CXCL13: variants seen among roughly 807,000 people sequenced by gnomAD.
CXCL13 encodes the protein C-X-C motif chemokine 13.
A neutral mutation model predicts 12.2 loss-of-function variants in CXCL13; 7 were observed. That is an observed-to-expected ratio of 0.57 (90% confidence interval 0.33 to 1.07). The LOEUF is 1.07. Ranked by LOEUF, CXCL13 falls within the 50% of genes least tolerant of loss-of-function variation. The pLI is 0.04. For missense variants in CXCL13, 113 were observed against 127.4 expected, an observed-to-expected ratio of 0.89 and a Z score of 0.55; for synonymous variants, 47 against 42.4, an observed-to-expected ratio of 1.11 and a Z score of -0.42.
Position 77,547,335 on chromosome 4 carries a change from A to T in CXCL13, c.-43+35547A>T, listed in dbSNP as rs192743127. ...GTCTAATGTTGACAGTGGGGTGTTT[A>T]CATATCACATTATTATTGTGTGGGA... On this transcript the variant is annotated intron_variant, in intron 1 of 4. Coordinates refer to the CXCL13 transcript ENST00000286758. Among the ~76,000 whole-genome samples the T allele has an allele frequency of 3.9e-5, 6 of 152,306 alleles. No individual in the cohort carries two copies. The East Asian group carries it at 1.2e-3, about 29-fold the overall frequency.
At chr4:77,535,713 G>A (rs954142002) in intron 1 of CXCL13, among the ~76,000 whole-genome samples, 1 of 152,140 alleles carries the variant, frequency 6.6e-6, no homozygotes, top group African/African-American at 2.4e-5. Context: ...GGAGAGGCTA[G>A]CCATAGATGT....
At chr4:77,598,993 G>C (rs1320718222) in intron 1 of CXCL13, among the ~76,000 whole-genome samples, 1 of 152,056 alleles carries the variant, frequency 6.6e-6, no homozygotes, top group East Asian at 1.9e-4. Context: ...ATTTTTAGTA[G>C]AGCCAGGGTT....
intron 1 of CXCL13, among the ~76,000 whole-genome samples, chr4:77,519,918 C>T (rs1724533663): frequency 6.6e-6 from 1 of 152,208 alleles, no homozygotes; most frequent in South Asian, 2.1e-4. Flanking sequence ...GATCCAGTTT[C>T]AGCTTTCTAC....
At chr4:77,529,296 A>G (rs1409142793) in intron 1 of CXCL13, among the ~76,000 whole-genome samples, 1 of 151,948 alleles carries the variant, frequency 6.6e-6, no homozygotes, top group African/African-American at 2.4e-5. Flanking sequence ...TTTAAAGTAG[A>G]TTTTTCTAAT....
At chr4:77,573,250 T>A (rs1040972649) in intron 1 of CXCL13, among the ~76,000 whole-genome samples, 6 of 151,548 alleles carry the variant, frequency 4.0e-5, no homozygotes, top group African/African-American at 9.8e-5. Context: ...AAGTTAAATT[T>A]AAAAAAAAGA....
At chr4:77,515,234 G>A (rs1005248396) in intron 1 of CXCL13, among the ~76,000 whole-genome samples, 1 of 152,190 alleles carries the variant, frequency 6.6e-6, no homozygotes, top group Non-Finnish European at 1.5e-5. Context: ...TTGAAGTCAG[G>A]TAGCGTGATG....
chr4:77,610,522 T>A (rs1010515132), intron 2 of CXCL13, 92 bp from the exon 3 acceptor site: 21 of 1,037,974 alleles, frequency 2.0e-5, no homozygotes, highest in Middle Eastern at 2.1e-4. Flanking sequence ...CATCTAGGAA[T>A]AATTATTTTC....
At chr4:77,525,666 T>G (rs1724745119) in intron 1 of CXCL13, among the ~76,000 whole-genome samples, 1 of 152,156 alleles carries the variant, frequency 6.6e-6, no homozygotes, top group African/African-American at 2.4e-5. Context: ...AACATGTACA[T>G]GTTGCCTTTT....
At chr4:77,517,069 G>A (rs1578031470) in intron 1 of CXCL13, among the ~76,000 whole-genome samples, 1 of 152,106 alleles carries the variant, frequency 6.6e-6, no homozygotes, top group East Asian at 1.9e-4. Context: ...TATGTACCCA[G>A]TAGTCATTCA....
intron 1 of CXCL13, among the ~76,000 whole-genome samples, chr4:77,560,919 A>G (rs950533157): frequency 2.0e-5 from 3 of 152,152 alleles, no homozygotes; most frequent in East Asian, 3.9e-4. Context: ...TGATGCTGAA[A>G]TCCTTATCTA....
In CXCL13 at chr4:77,521,407, C is replaced by G. The variant is rs191867218; in HGVS notation, c.-43+9619C>G. Among the ~76,000 whole-genome samples, 665 of 152,196 alleles carry G rather than the reference C, an allele frequency of 4.4e-3. 18 individuals are homozygous for G. Among genetic ancestry groups the G allele is most frequent in the East Asian group, 0.026 (134 of 5,170 alleles). The stretch of plus-strand genomic sequence containing the variant: ...CTCAATTTCAGAGACTGTTATTGGT[C>G]TATTCAGAGATTCAACTTCTTCCTG... On this transcript the variant is annotated intron_variant, in intron 1 of 4. Transcript: ENST00000286758.
chr4:77,604,386 T>C (rs1490918792), upstream of CXCL13, among the ~76,000 whole-genome samples: 1 of 152,100 alleles, frequency 6.6e-6, no homozygotes, highest in Non-Finnish European at 1.5e-5. Flanking sequence ...ATAACCTTCT[T>C]TTACTCCAAT....
intron 1 of CXCL13, among the ~76,000 whole-genome samples, chr4:77,526,850 A>G (rs1578036978): frequency 6.6e-6 from 1 of 152,170 alleles, no homozygotes; most frequent in African/African-American, 2.4e-5. Flanking sequence ...AAAGCCAAGA[A>G]GGGCCAGCCA....
At chr4:77,519,080 A>G (rs994317751) in intron 1 of CXCL13, among the ~76,000 whole-genome samples, 1 of 152,192 alleles carries the variant, frequency 6.6e-6, no homozygotes, top group Non-Finnish European at 1.5e-5. Context: ...TTGCCTGGGT[A>G]TCAGCAGCGG....
intron 1 of CXCL13, among the ~76,000 whole-genome samples, chr4:77,598,677 T>C (rs547183986): frequency 6.6e-6 from 1 of 152,278 alleles, no homozygotes; most frequent in African/African-American, 2.4e-5. Flanking sequence ...GGCAGGTTAT[T>C]GCGGAAAACT....
chr4:77,531,098 TTTA>T (rs59478034), intron 1 of CXCL13, among the ~76,000 whole-genome samples: 24,993 of 144,170 alleles, frequency 0.17, 2,507 homozygotes, highest in African/African-American at 0.28. Context: ...AGTGAGTTTC[TTTA>T]TTATTATTAT....
chr4:77,608,103 A>G (rs1727036253), intron 2 of CXCL13, among the ~76,000 whole-genome samples: 1 of 152,170 alleles, frequency 6.6e-6, no homozygotes, highest in Non-Finnish European at 1.5e-5. Context: ...GAGGCTTAGG[A>G]AGGTTAACTA....
chr4:77,563,063 G>A (rs1256292186), intron 1 of CXCL13, among the ~76,000 whole-genome samples: 1 of 152,120 alleles, frequency 6.6e-6, no homozygotes, highest in Non-Finnish European at 1.5e-5. Flanking sequence ...TTTATGAGCT[G>A]TAACACTCAC....
At chr4:77,532,961 C>T (rs903314046) in intron 1 of CXCL13, among the ~76,000 whole-genome samples, 5 of 152,012 alleles carry the variant, frequency 3.3e-5, no homozygotes, top group Non-Finnish European at 7.4e-5. Flanking sequence ...AGGTTTTTAA[C>T]TTCTTTGCCA....
Sources: allele counts gnomAD v4.1 joint callset (sites outside exome capture counted in the v4.1 genomes callset), GRCh38; gene constraint gnomAD v4.1.1; transcripts MANE v1.5; gene names NCBI Gene and HGNC (gene_info 2026-07-23, HGNC 2026-07-21).